Variants in ASMTL observed in about 807,000 individuals in gnomAD.
ASMTL encodes acetylserotonin O-methyltransferase like.
A neutral mutation model predicts 60.3 loss-of-function variants in ASMTL; 57 were observed. The ratio of observed to expected loss-of-function variants is 0.95; its 90% CI spans 0.76 to 1.18. ASMTL has a LOEUF of 1.18. Ranked by LOEUF, ASMTL falls within the 50% of genes most tolerant of loss-of-function variation. The probability of loss-of-function intolerance (pLI) is 0.00; values close to 1 mark genes in which losing one functional copy is unlikely to be tolerated. For missense variants in ASMTL, 981 were observed against 852.6 expected (o/e 1.15, Z -1.88); for synonymous variants, 419 against 373.0 (o/e 1.12, Z -1.42).
intron 4 of ASMTL, 190 bp downstream of exon 4, chrX:1,435,504 C>G (rs1253629729): frequency 7.6e-6 from 5 of 655,824 alleles, no homozygotes; most frequent in Non-Finnish European, 1.4e-5. Flanking sequence ...CTGCAGAATC[C>G]TAGACAAGGA....
At chrX:1,429,878 G>A (rs147728873) in intron 6 of ASMTL, among the ~76,000 whole-genome samples, 3 of 151,970 alleles carry the variant, frequency 2.0e-5, no homozygotes, top group Non-Finnish European at 4.4e-5. Flanking sequence ...TTATCCCATC[G>A]AGCACCTCAT....
chrX:1,423,260 G>A (rs749935013), intron 8 of ASMTL, among the ~76,000 whole-genome samples: 1 of 152,146 alleles, frequency 6.6e-6, no homozygotes, highest in African/African-American at 2.4e-5. Context: ...TTTTCAATAC[G>A]GGAGAATGGT....
At chrX:1,417,612 G>GAC (rs780702844) in intron 11 of ASMTL, among the ~76,000 whole-genome samples, 55 of 149,358 alleles carry the variant, frequency 3.7e-4, no homozygotes, top group African/African-American at 1.3e-3. Context: ...CACAGATGCA[G>GAC]ACACACACAC....
At chrX:1,439,070 G>C in intron 3 of ASMTL, 27 bp downstream of exon 3, 1 of 1,613,224 alleles carries the variant, frequency 6.2e-7, no homozygotes, top group Non-Finnish European at 8.5e-7. Flanking sequence ...TCGGACATTA[G>C]AAACGAGGCA....
intron 8 of ASMTL, among the ~76,000 whole-genome samples, chrX:1,424,506 A>G (rs1159285379): frequency 2.0e-5 from 3 of 150,486 alleles, no homozygotes; most frequent in South Asian, 2.1e-4. Flanking sequence ...TCATCCATCT[A>G]TCCACACATC....
At chrX:1,452,984 T>G (rs1180366338), upstream of ASMTL, 47 of 600,334 alleles carry the variant, frequency 7.8e-5, no homozygotes, top group Non-Finnish European at 1.1e-4. Flanking sequence ...CCACGCCCAG[T>G]CCGCGCCTTC....
At chrX:1,413,289 G>C (rs188875613) in intron 11 of ASMTL, among the ~76,000 whole-genome samples, 1 of 152,340 alleles carries the variant, frequency 6.6e-6, no homozygotes, top group Admixed American at 6.5e-5. Flanking sequence ...TTGAACCTGG[G>C]AGGTGGAGGT....
At chrX:1,414,749 C>A (rs1290158869) in intron 11 of ASMTL, among the ~76,000 whole-genome samples, 5 of 152,126 alleles carry the variant, frequency 3.3e-5, no homozygotes, top group African/African-American at 1.2e-4. Flanking sequence ...GCAGATCTGG[C>A]AAATCAGAAG....
rs1476102032 is a variant in ASMTL at position 1,427,769 on chromosome X, G to A, written c.862C>T (p.Leu288Phe). 1 of 1,612,822 alleles carries A rather than the reference G, an allele frequency of 6.2e-7. No homozygotes were observed. Among genetic ancestry groups the A allele is most frequent in the Non-Finnish European group, 8.5e-7 (1 of 1,179,512 alleles). ...ATAAAGCCCTCAATCAGCTCCAGGA[G>A]GCGTGTCGGGAACGGAGGCAGGGTC... ...RETLPPFPTR[L>F]LELIEGFMLS... Residue 288 changes from leucine (L) to phenylalanine (F), a missense_variant, in exon 7 of 13, where the codon CTC (leucine) becomes TTC (phenylalanine). By Grantham distance (22) the Leu-to-Phe change is conservative (BLOSUM62 0). Transcript: ENST00000381317.
intron 2 of ASMTL, among the ~76,000 whole-genome samples, chrX:1,440,369 T>C (rs182363948): frequency 0.022 from 3,287 of 152,136 alleles, 62 homozygotes; most frequent in African/African-American, 0.047. Context: ...GGATGACAGG[T>C]GTGAGCCACT....
Position 1,412,777 on chromosome X carries a change from T to C in ASMTL, c.1600A>G (p.Lys534Glu), listed in dbSNP as rs753767504. The C allele has an allele frequency of 3.1e-6, 5 of 1,613,978 alleles. No homozygotes were observed. The highest frequency in any genetic ancestry group is 2.7e-5 in the African/African-American group (2 of 75,040). The change falls in exon 12 of 13, where the codon AAA becomes GAA. Residue 534 changes from lysine (K) to glutamate (E), a missense_variant. Lys to Glu is a moderately conservative substitution (Grantham distance 56). Coordinates refer to ENST00000381317, the MANE Select transcript of ASMTL (RefSeq NM_004192.4). ...CRILHDWPDD[K>E]VHKLLSRVAE... ...ACCCTGCTGAGTAACTTGTGGACTT[T>C]GTCGTCTGGCCAGTCATGCAGGATC...
chrX:1,436,656 T>G (rs1239926890), intron 3 of ASMTL, among the ~76,000 whole-genome samples: 1 of 151,778 alleles, frequency 6.6e-6, no homozygotes, highest in Non-Finnish European at 1.5e-5. Flanking sequence ...CCGGCCAGCC[T>G]CATTCCTGTT....
intron 12 of ASMTL, among the ~76,000 whole-genome samples, chrX:1,410,467 T>C (rs1366173689): frequency 3.3e-5 from 5 of 151,374 alleles, no homozygotes; most frequent in Admixed American, 6.6e-5. Flanking sequence ...CAGGCTGGAG[T>C]GCAGTGGCGC....
In ASMTL at chrX:1,435,026, G is replaced by A; in HGVS notation, c.396C>T (p.Ser132=). The part of the protein sequence containing the change: ...FTGVAIVHCS[S]KDHQLDTRVS... ...CGAAACCTGGGCCGCGGTTACCTTT[G>A]CTGGAGCAGTGGACGATCGCGACAC... Residue 132 remains serine (S), a synonymous_variant, in exon 5 of 13, where the codon AGC becomes AGT. Coordinates refer to ENST00000381317, the MANE Select transcript of ASMTL (RefSeq NM_004192.4). The A allele has an allele frequency of 6.2e-7, 1 of 1,613,856 alleles. No individual in the cohort carries two copies. The highest frequency in any genetic ancestry group is 8.5e-7 in the Non-Finnish European group (1 of 1,179,850).
At chrX:1,431,605 T>C (rs2090790635) in intron 6 of ASMTL, among the ~76,000 whole-genome samples, 1 of 144,622 alleles carries the variant, frequency 6.9e-6, no homozygotes, top group Non-Finnish European at 1.5e-5. Context: ...GTATAATCTA[T>C]TATAGTATAT....
chrX:1,450,096 T>TGCC (rs765985947), intron 1 of ASMTL, among the ~76,000 whole-genome samples: 2 of 147,552 alleles, frequency 1.4e-5, no homozygotes, highest in Admixed American at 1.4e-4. Context: ...CCAGTAACTA[T>TGCC]CCCATCACCA....
intron 6 of ASMTL, chrX:1,431,919 G>C (rs1398690446): frequency 1.2e-4 from 36 of 295,058 alleles, no homozygotes; most frequent in African/African-American, 7.5e-4. Flanking sequence ...GGATCACAGA[G>C]TTTATTCGTG....
At chrX:1,424,725 T>C (rs1326468070) in intron 8 of ASMTL, among the ~76,000 whole-genome samples, 1 of 148,582 alleles carries the variant, frequency 6.7e-6, no homozygotes, top group Non-Finnish European at 1.5e-5. Context: ...CATCCACACA[T>C]CCTTCCATTC....
At chrX:1,406,733 T>C (rs180792263) in intron 12 of ASMTL, among the ~76,000 whole-genome samples, 193 of 151,260 alleles carry the variant, frequency 1.3e-3, no homozygotes, top group African/African-American at 4.0e-3. Context: ...GATTAGTGAA[T>C]AGATGGTAGA....
Sources: allele counts gnomAD v4.1 joint callset (sites outside exome capture counted in the v4.1 genomes callset), GRCh38; gene constraint gnomAD v4.1.1; transcripts MANE v1.5; gene names NCBI Gene and HGNC (gene_info 2026-07-23, HGNC 2026-07-21).